The following CPA6 variants were observed in gnomAD, a reference collection of about 807,000 sequenced individuals.
The protein encoded by CPA6 is carboxypeptidase A6.
In CPA6, 58 loss-of-function variants were observed where a neutral mutation model predicts 63.3. The ratio of observed to expected loss-of-function variants is 0.92; its 90% CI spans 0.74 to 1.14. The LOEUF (loss-of-function observed/expected upper bound fraction) is 1.14. Ranked by LOEUF, CPA6 falls within the 50% of genes most tolerant of loss-of-function variation. The pLI is 0.00. For synonymous variants in CPA6, 185 were observed against 179.0 expected, an observed-to-expected ratio of 1.03 and a Z score of -0.27; for missense variants, 565 against 526.6, an observed-to-expected ratio of 1.07 and a Z score of -0.71.
chr8:67,565,860 T>A (rs1047579592), intron 2 of CPA6, among the ~76,000 whole-genome samples: 1 of 152,278 alleles, frequency 6.6e-6, no homozygotes, highest in Admixed American at 6.5e-5. Context: ...TTCAAAAAAA[T>A]ATCAGACTCC....
intron 8 of CPA6, among the ~76,000 whole-genome samples, chr8:67,457,104 T>G (rs912313436): frequency 7.2e-5 from 11 of 152,354 alleles, no homozygotes; most frequent in Middle Eastern, 3.4e-3. Context: ...TGACATGTTT[T>G]AGGTCACCAA....
At chr8:67,605,881 T>A (rs1336862767) in intron 2 of CPA6, among the ~76,000 whole-genome samples, 4 of 152,060 alleles carry the variant, frequency 2.6e-5, no homozygotes, top group Non-Finnish European at 5.9e-5. Context: ...GTCATAGTCA[T>A]GCACAGCCAA....
intron 8 of CPA6, among the ~76,000 whole-genome samples, chr8:67,459,244 G>A (rs1043956266): frequency 6.6e-6 from 1 of 152,134 alleles, no homozygotes; most frequent in Non-Finnish European, 1.5e-5. Flanking sequence ...AGGCTGGTCT[G>A]AAACTCCTGG....
At chr8:67,522,691 T>C (rs7821969) in intron 2 of CPA6, among the ~76,000 whole-genome samples, 59,288 of 152,172 alleles carry the variant, frequency 0.39, 11,899 homozygotes, top group African/African-American at 0.5. Context: ...CTAACATCCC[T>C]GGGGCTTCAC....
chr8:67,524,876 C>A (rs916467909), intron 2 of CPA6, among the ~76,000 whole-genome samples: 1 of 152,222 alleles, frequency 6.6e-6, no homozygotes, highest in East Asian at 1.9e-4. Context: ...GAATTTTGTC[C>A]ACTCATCCCA....
intron 1 of CPA6, among the ~76,000 whole-genome samples, chr8:67,713,696 A>C (rs1360912636): frequency 6.6e-6 from 1 of 152,236 alleles, no homozygotes; most frequent in Non-Finnish European, 1.5e-5. Context: ...TGCAGTTTCC[A>C]TCATAGCATT....
chr8:67,717,742 G>A (rs1817409246), intron 1 of CPA6, among the ~76,000 whole-genome samples: 1 of 152,222 alleles, frequency 6.6e-6, no homozygotes, highest in Non-Finnish European at 1.5e-5. Flanking sequence ...TGAAATGGGA[G>A]ATGACCCTGG....
At chr8:67,565,792 C>T (rs920456931) in intron 2 of CPA6, among the ~76,000 whole-genome samples, 1 of 152,114 alleles carries the variant, frequency 6.6e-6, no homozygotes, top group African/African-American at 2.4e-5. Flanking sequence ...TGTCTCAGCA[C>T]CTTGACTCTC....
intron 1 of CPA6, among the ~76,000 whole-genome samples, chr8:67,626,418 G>A (rs1413591101): frequency 6.6e-6 from 1 of 152,090 alleles, no homozygotes; most frequent in Non-Finnish European, 1.5e-5. Context: ...TTGGCTTGCT[G>A]ATAATAAATT....
chr8:67,484,931 C>T (rs1035784369), intron 6 of CPA6, 142 bp from the exon 7 acceptor site: 1 of 508,554 alleles, frequency 2.0e-6, no homozygotes, highest in African/African-American at 2.3e-5. Context: ...TAGTCTTCGA[C>T]ATTGTAAATT....
intron 1 of CPA6, among the ~76,000 whole-genome samples, chr8:67,687,668 G>A (rs924279173): frequency 1.3e-5 from 2 of 152,116 alleles, no homozygotes; most frequent in African/African-American, 4.8e-5. Flanking sequence ...TATCATCACG[G>A]TGGGTTTCGG....
chr8:67,538,699 G>T (rs1812641761), intron 2 of CPA6, among the ~76,000 whole-genome samples: 1 of 151,748 alleles, frequency 6.6e-6, no homozygotes, highest in East Asian at 1.9e-4. Context: ...TTGCTCTGTT[G>T]CCGAGGCTGG....
intron 8 of CPA6, among the ~76,000 whole-genome samples, chr8:67,440,778 G>A (rs1433070128): frequency 6.6e-6 from 1 of 151,828 alleles, no homozygotes; most frequent in East Asian, 1.9e-4. Context: ...ACATGGAAAA[G>A]GTAGAGTAAA....
intron 3 of CPA6, among the ~76,000 whole-genome samples, chr8:67,514,204 C>T (rs191580053): frequency 1.3e-5 from 2 of 152,204 alleles, no homozygotes; most frequent in Non-Finnish European, 1.5e-5. Context: ...CTAATCCACC[C>T]GCCTTAGCCT....
At chr8:67,682,465 G>C (rs142834782) in intron 1 of CPA6, among the ~76,000 whole-genome samples, 79 of 152,128 alleles carry the variant, frequency 5.2e-4, no homozygotes, top group Non-Finnish European at 9.0e-4. Flanking sequence ...ATAATGACTG[G>C]GTTAATGTTC....
chr8:67,661,898 T>C (rs1010343736), intron 1 of CPA6, among the ~76,000 whole-genome samples: 1 of 152,246 alleles, frequency 6.6e-6, no homozygotes, highest in Non-Finnish European at 1.5e-5. Flanking sequence ...TCACGTAGCA[T>C]AATGTCTTTA....
At position 67,506,813 on chromosome 8, in the gene CPA6, C is replaced by A; in HGVS notation, c.610G>T (p.Ala204Ser). 6.2e-7 allele frequency: 1 copy of A among 1,612,964 alleles called. No individual in the cohort carries two copies. The highest frequency in any genetic ancestry group is 8.5e-7 in the Non-Finnish European group (1 of 1,179,062). The change falls in exon 6 of 11, where the codon GCC (alanine) becomes TCC (serine). Residue 204 changes from alanine (A) to serine (S), a missense_variant. By Grantham distance (99) the Ala-to-Ser change is moderately conservative (BLOSUM62 1). Coordinates refer to ENST00000297770, the MANE Select transcript of CPA6 (RefSeq NM_020361.5). ...TCTTTTACAAACCACTGACAAAAGG[C>A]AGGACCAATCCATTCTCTTGCATGA... ...GIHAREWIGP[A>S]FCQWFVKEAL...
chr8:67,694,172 G>A (rs1442759003), intron 1 of CPA6, among the ~76,000 whole-genome samples: 2 of 152,250 alleles, frequency 1.3e-5, no homozygotes, highest in African/African-American at 4.8e-5. Context: ...CCAGGCAGCT[G>A]TGCAAACTGC....
rs1405440295 is a variant in CPA6, at chr8:67,624,271, AGAT to A, written c.117-23_117-21del. The A allele has an allele frequency of 2.3e-6, 3 of 1,309,558 alleles. No individual in the cohort carries two copies. Among genetic ancestry groups the A allele is most frequent in the Non-Finnish European group, 3.3e-6 (3 of 920,014 alleles). 81.1% of individuals were successfully genotyped at this position (1,309,558 alleles called of 1,614,324 possible). A position where few individuals can be genotyped will look rare whatever the true frequency, so the allele number is the denominator to read the frequency against. ...TTATCACTACAAGATAAGAAAAGAAAGATGATAATTACTTTTCGAAAATAAAGA... is the reference window on the plus strand; with the variant it reads ...TTATCACTACAAGATAAGAAAAGAAAGATAATTACTTTTCGAAAATAAAGA... On this transcript the variant is annotated intron_variant, in intron 1 of 10. Transcript: ENST00000297770.
Sources: gnomAD v4.1 joint callset for allele counts (sites outside exome capture counted in the v4.1 genomes callset) on GRCh38, gnomAD v4.1.1 for gene constraint, MANE v1.5 for transcripts, NCBI Gene and HGNC (gene_info 2026-07-23, HGNC 2026-07-21) for gene names.